The following CCDC85A variants were observed in gnomAD, a reference collection of about 807,000 sequenced individuals.
The protein encoded by CCDC85A is coiled-coil domain-containing protein 85A.
CCDC85A carries 38 observed loss-of-function variants against 50.2 expected under a neutral mutation model. The observed-to-expected ratio is 0.76, with a 90% CI of 0.58 to 0.99. The LOEUF (loss-of-function observed/expected upper bound fraction) is 0.99, where lower values mean the gene tolerates loss of function less well. Ranked by LOEUF, CCDC85A falls within the 50% of genes least tolerant of loss-of-function variation. The pLI is 0.00. For synonymous variants in CCDC85A, 366 were observed against 301.4 expected (o/e 1.21, Z -2.22); for missense variants, 820 against 742.0 (o/e 1.11, Z -1.22).
chr2:56,224,005 A>G (rs1014298563), intron 2 of CCDC85A, among the ~76,000 whole-genome samples: 2 of 152,160 alleles, frequency 1.3e-5, no homozygotes, highest in Admixed American at 6.6e-5. Context: ...GTACAGTCCA[A>G]TGGCTTTTAG....
At chr2:56,230,831 C>T (rs1489803438) in intron 2 of CCDC85A, among the ~76,000 whole-genome samples, 1 of 152,148 alleles carries the variant, frequency 6.6e-6, no homozygotes, top group South Asian at 2.1e-4. Context: ...GCTCTGGCAC[C>T]GGCCCTCTGG....
At chr2:56,322,206 G>T (rs1382354038) in intron 2 of CCDC85A, among the ~76,000 whole-genome samples, 1 of 152,096 alleles carries the variant, frequency 6.6e-6, no homozygotes, top group African/African-American at 2.4e-5. Flanking sequence ...GAAAACCTAG[G>T]CAAAACCATT....
chr2:56,372,528 G>A (rs764685980), intron 4 of CCDC85A, 50 bp downstream of exon 4: 1 of 1,459,178 alleles, frequency 6.9e-7, no homozygotes, highest in African/African-American at 1.4e-5. Flanking sequence ...ATAACCAGAT[G>A]ACTTCTGTTG....
chr2:56,218,715 G>C (rs1668193448), intron 2 of CCDC85A, among the ~76,000 whole-genome samples: 1 of 151,794 alleles, frequency 6.6e-6, no homozygotes, highest in African/African-American at 2.4e-5. Context: ...ATCATCTAGT[G>C]ATGATGTCCC....
intron 2 of CCDC85A, among the ~76,000 whole-genome samples, chr2:56,278,977 C>G (rs182837973): frequency 2.0e-5 from 3 of 152,340 alleles, no homozygotes; most frequent in Admixed American, 1.3e-4. Flanking sequence ...CAAACCATCT[C>G]CTTCTTAACT....
At chr2:56,300,201 C>T (rs1215086461) in intron 2 of CCDC85A, among the ~76,000 whole-genome samples, 1 of 152,080 alleles carries the variant, frequency 6.6e-6, no homozygotes, top group African/African-American at 2.4e-5. Flanking sequence ...GGGACACAGC[C>T]CTCCTATGGG....
chr2:56,213,958 CAGGTGAGT>C (rs980056135), intron 2 of CCDC85A, among the ~76,000 whole-genome samples: 9 of 151,820 alleles, frequency 5.9e-5, no homozygotes, highest in African/African-American at 2.2e-4. Context: ...CACGATATGA[CAGGTGAGT>C]AGAGGGCCAA....
At chr2:56,318,371 G>A (rs1432869940) in intron 2 of CCDC85A, among the ~76,000 whole-genome samples, 1 of 151,944 alleles carries the variant, frequency 6.6e-6, no homozygotes, top group East Asian at 1.9e-4. Context: ...TTGCTTCAGT[G>A]TAGAATGCTC....
intron 2 of CCDC85A, among the ~76,000 whole-genome samples, chr2:56,300,901 C>T (rs1289936986): frequency 7.2e-5 from 11 of 152,140 alleles, no homozygotes; most frequent in Admixed American, 7.2e-4. Context: ...GTTTGAGTCA[C>T]ATTTAATCAT....
chr2:56,226,830 C>A (rs539483098), intron 2 of CCDC85A, among the ~76,000 whole-genome samples: 1 of 152,072 alleles, frequency 6.6e-6, no homozygotes, highest in South Asian at 2.1e-4. Context: ...AATCTGAGTT[C>A]CTAGCACAAG....
chr2:56,309,393 C>T (rs1672589945), intron 2 of CCDC85A, among the ~76,000 whole-genome samples: 1 of 152,122 alleles, frequency 6.6e-6, no homozygotes, highest in Non-Finnish European at 1.5e-5. Flanking sequence ...ATAATAAAAG[C>T]TTCACAGACC....
At chr2:56,274,452 G>T (rs550982893) in intron 2 of CCDC85A, among the ~76,000 whole-genome samples, 2 of 152,290 alleles carry the variant, frequency 1.3e-5, no homozygotes, top group East Asian at 3.9e-4. Context: ...CAACAGGCTG[G>T]AGGCTCAGGT....
At chr2:56,275,958 C>T (rs1220811709) in intron 2 of CCDC85A, among the ~76,000 whole-genome samples, 1 of 152,162 alleles carries the variant, frequency 6.6e-6, no homozygotes, top group Non-Finnish European at 1.5e-5. Context: ...TGAGTCAGAG[C>T]ATGAAGATCC....
At chr2:56,328,812 C>G (rs1320185939) in intron 2 of CCDC85A, among the ~76,000 whole-genome samples, 4 of 152,142 alleles carry the variant, frequency 2.6e-5, no homozygotes, top group Non-Finnish European at 5.9e-5. Flanking sequence ...TGCGCCACTG[C>G]CCTGGCTCAT....
intron 2 of CCDC85A, among the ~76,000 whole-genome samples, chr2:56,232,666 C>CT (rs900543380): frequency 2.6e-4 from 40 of 152,248 alleles, no homozygotes; most frequent in African/African-American, 9.6e-4. Flanking sequence ...AATTAAACCT[C>CT]TTTTTATAAA....
chr2:56,221,280 A>G (rs1668316073), intron 2 of CCDC85A, among the ~76,000 whole-genome samples: 1 of 152,046 alleles, frequency 6.6e-6, no homozygotes, highest in Admixed American at 6.6e-5. Context: ...TTTATACCAT[A>G]TATACACTTA....
At chr2:56,364,771 T>A (rs1326715226) in intron 3 of CCDC85A, among the ~76,000 whole-genome samples, 7 of 152,224 alleles carry the variant, frequency 4.6e-5, no homozygotes, top group Admixed American at 4.6e-4. Flanking sequence ...TTAAAGTTCA[T>A]AGGGTCTTGC....
At chr2:56,214,521 T>G (rs1677313450) in intron 2 of CCDC85A, among the ~76,000 whole-genome samples, 1 of 151,960 alleles carries the variant, frequency 6.6e-6, no homozygotes, top group African/African-American at 2.4e-5. Context: ...TCTCATTAAT[T>G]TCTTGAGTTA....
chr2:56,202,031 T>C (rs2103853340), intron 2 of CCDC85A, among the ~76,000 whole-genome samples: 1 of 152,284 alleles, frequency 6.6e-6, no homozygotes, highest in African/African-American at 2.4e-5. Flanking sequence ...TTTATTCTTC[T>C]AGACATAGAG....
Sources: gnomAD v4.1 joint callset for allele counts (sites outside exome capture counted in the v4.1 genomes callset) on GRCh38, gnomAD v4.1.1 for gene constraint, MANE v1.5 for transcripts, NCBI Gene and HGNC (gene_info 2026-07-23, HGNC 2026-07-21) for gene names.